CBY3: variants seen among roughly 807,000 people sequenced by gnomAD.
CBY3 encodes the protein sperm annulus positioning complex subunit Chibby3.
A neutral mutation model predicts 3.0 loss-of-function variants in CBY3; 7 were observed. The observed-to-expected ratio is 2.32, with a 90% CI of 1.32 to 4.35. The LOEUF is 4.35. CBY3 is among the 30% of genes most tolerant of loss of function. The pLI, the probability that CBY3 is intolerant of heterozygous loss-of-function variation, is 0.00. For synonymous variants in CBY3, 170 were observed against 154.5 expected (o/e 1.10, Z -0.74); for missense variants, 400 against 336.4 (o/e 1.19, Z -1.48).
In CBY3 at chr5:179,680,505, C is replaced by T. The variant is rs561517096; in HGVS notation, c.46+368G>A. 2.6e-5 allele frequency among the ~76,000 whole-genome samples: 4 copies of T among 152,240 alleles called. No individual in the cohort carries two copies. The East Asian group carries it at 7.7e-4, about 29-fold the overall frequency. On this transcript the variant is annotated intron_variant, in intron 1 of 1. Coordinates refer to ENST00000376974, the MANE Select transcript of CBY3 (RefSeq NM_001164444.2). Reference sequence around the variant, plus strand: ...ACAGATGCGTGTATAGACCACAGTCCAGTGTGTTCACTGACATCCTGGGGT... The same window carrying T: ...ACAGATGCGTGTATAGACCACAGTCTAGTGTGTTCACTGACATCCTGGGGT...
chr5:179,680,861 G>T lies in CBY3; in HGVS notation c.46+12C>A, dbSNP rs1163215885. 6.5e-7 allele frequency: 1 copy of T among 1,534,782 alleles called. No individual in the cohort carries two copies. The highest frequency in any genetic ancestry group is 8.7e-7 in the Non-Finnish European group (1 of 1,145,034). The stretch of plus-strand genomic sequence containing the variant: ...CTCACATATAGGTGGACAGAGGCTG[G>T]ATGGTACATACCATCCCCAAGATCT... On this transcript the variant is annotated intron_variant, in intron 1 of 1. Transcript: ENST00000376974.
At chr5:179,680,728 G>A in intron 1 of CBY3, 145 bp downstream of exon 1, 1 of 594,556 alleles carries the variant, frequency 1.7e-6, no homozygotes, top group Non-Finnish European at 3.0e-6. Flanking sequence ...GAAAAAGGGA[G>A]CTATGTGTTG....
Position 179,678,911 on chromosome 5 carries a change from A to G in CBY3, c.401T>C (p.Phe134Ser). Residue 134 changes from phenylalanine to serine, a missense_variant, in exon 2 of 2, where the codon TTC becomes TCC. Phe to Ser is a radical substitution (Grantham distance 155). Transcript: ENST00000376974. ...CMRLSNQAFVFRGGRWTTESQ... is the reference protein window; with the variant it reads ...CMRLSNQAFVSRGGRWTTESQ... ...CTCAGTGGTCCACCGCCCGCCGCGG[A>G]ACACGAAGGCCTGGTTGCTGAGGCG... 1.3e-6 allele frequency: 2 copies of G among 1,535,050 alleles called. No homozygotes were observed. The highest frequency in any genetic ancestry group is 1.7e-6 in the Non-Finnish European group (2 of 1,145,666).
chr5:179,678,689 A>G lies in CBY3; in HGVS notation c.623T>C (p.Val208Ala), dbSNP rs1411168206. ...GGCGCGCGCCGCAGCCGTCGGGATC[A>G]CCTCGGGGTTGCGCTGCTTCTCCAG... The part of the protein sequence containing the change: ...HLLEKQRNPE[V>A]IPTAAARAGQ... The change falls in exon 2 of 2, where the codon GTG (valine) becomes GCG (alanine). Residue 208 changes from valine to alanine, a missense_variant. Val to Ala is a moderately conservative substitution (Grantham distance 64). Transcript: ENST00000376974. The G allele has an allele frequency of 4.6e-6, 7 of 1,536,072 alleles. No individual in the cohort carries two copies. Among genetic ancestry groups the G allele is most frequent in the Middle Eastern group, 1.7e-4 (1 of 6,006 alleles).
Position 179,678,650 on chromosome 5 carries a change from A to G in CBY3, c.662T>C (p.Met221Thr), listed in dbSNP as rs1229573678. The change falls in exon 2 of 2, where the codon ATG (methionine) becomes ACG (threonine). Residue 221 changes from methionine (M) to threonine (T), a missense_variant. Coordinates refer to ENST00000376974, the MANE Select transcript of CBY3 (RefSeq NM_001164444.2). Reference sequence around the variant, plus strand: ...CGCGCTGGCGCCTGCGCGCTTGCGCATCTTCCTCTGCCCGGCGCGCGCCGC... The same window carrying G: ...CGCGCTGGCGCCTGCGCGCTTGCGCGTCTTCCTCTGCCCGGCGCGCGCCGC... ...TAAARAGQRKMRKRAGASAGV... is the reference protein window; with the variant it reads ...TAAARAGQRKTRKRAGASAGV... 1 of 1,534,310 alleles carries G rather than the reference A, an allele frequency of 6.5e-7. No individual in the cohort carries two copies. The highest frequency in any genetic ancestry group is 8.7e-7 in the Non-Finnish European group (1 of 1,145,134).
At position 179,679,221 on chromosome 5, in the gene CBY3, G is replaced by C. The variant is rs1323452715; in HGVS notation, c.91C>G (p.Pro31Ala). The change falls in exon 2 of 2, where the codon CCG (proline) becomes GCG (alanine). Residue 31 changes from proline (P) to alanine (A), a missense_variant. Pro to Ala is a conservative substitution (Grantham distance 27, BLOSUM62 -1). Transcript: ENST00000376974. Reference protein sequence around the residue: ...SPSSFWTSGLPRQERSTSRQR... With the variant: ...SPSSFWTSGLARQERSTSRQR... ...CGACTCGTGCTGCGCTCTTGTCTCGGGAGCCCGGATGTCCAGAATGATGAA... is the reference window on the plus strand; with the variant it reads ...CGACTCGTGCTGCGCTCTTGTCTCGCGAGCCCGGATGTCCAGAATGATGAA... 6.5e-7 allele frequency: 1 copy of C among 1,533,732 alleles called. No individual in the cohort carries two copies. Among genetic ancestry groups the C allele is most frequent in the East Asian group, 2.4e-5 (1 of 40,904 alleles).
At position 179,680,912 on chromosome 5, in the gene CBY3, C is replaced by G; in HGVS notation, c.7G>C (p.Ala3Pro). The part of the protein sequence containing the change: MW[A>P]SRDHLPEPDL... ...GGTTCAGGGAGATGGTCTCTGGAAGCCCACATCCAGGCCCACCCTTGAGAT... is the reference window on the plus strand; with the variant it reads ...GGTTCAGGGAGATGGTCTCTGGAAGGCCACATCCAGGCCCACCCTTGAGAT... The change falls in exon 1 of 2, where the codon GCT becomes CCT. Residue 3 changes from alanine to proline, a missense_variant. Physicochemically the swap from Ala to Pro is conservative, Grantham distance 27. Coordinates refer to ENST00000376974, the MANE Select transcript of CBY3 (RefSeq NM_001164444.2). 6.5e-7 allele frequency: 1 copy of G among 1,536,602 alleles called. No individual in the cohort carries two copies.
In CBY3 at chr5:179,678,673, C is replaced by A; in HGVS notation, c.639G>T (p.Ala213=). Residue 213 remains alanine, a synonymous_variant, in exon 2 of 2, where the codon GCG becomes GCT. Transcript: ENST00000376974. ...GCATCTTCCTCTGCCCGGCGCGCGC[C>A]GCAGCCGTCGGGATCACCTCGGGGT... ...QRNPEVIPTA[A]ARAGQRKMRK... 6.5e-7 allele frequency: 1 copy of A among 1,535,736 alleles called. No homozygotes were observed. Among genetic ancestry groups the A allele is most frequent in the Non-Finnish European group, 8.7e-7 (1 of 1,146,008 alleles).
chr5:179,679,281 C>A lies in CBY3; in HGVS notation c.47-16G>T, dbSNP rs1775989914. 3 of 1,510,090 alleles carry A rather than the reference C, an allele frequency of 2.0e-6. No homozygotes were observed. The highest frequency in any genetic ancestry group is 2.6e-6 in the Non-Finnish European group (3 of 1,133,280). The allele number at this position is 1,510,090 out of a possible 1,614,324, so 93.5% of individuals were successfully genotyped here. A position where few individuals can be genotyped will look rare whatever the true frequency, so the allele number is the denominator to read the frequency against. Reference sequence around the variant, plus strand: ...GGGGGCGCTGCTGGGAGACAAGAGTCCGGGTGAGCAGCGTGCTTGGTACAG... The same window carrying A: ...GGGGGCGCTGCTGGGAGACAAGAGTACGGGTGAGCAGCGTGCTTGGTACAG... On this transcript the variant is annotated splice_polypyrimidine_tract_variant and intron_variant, in intron 1 of 1. Transcript: ENST00000376974.
intron 1 of CBY3, 125 bp downstream of exon 1, chr5:179,680,747 TC>T: frequency 1.5e-6 from 1 of 669,368 alleles, no homozygotes; most frequent in East Asian, 2.9e-5. Flanking sequence ...TGTTTCTAAT[TC>T]CTCTTCTGCC....
At chr5:179,679,357 C>G in intron 1 of CBY3, 92 bp from the exon 2 acceptor site, 1 of 1,105,404 alleles carries the variant, frequency 9.0e-7, no homozygotes, top group Non-Finnish European at 1.3e-6. Flanking sequence ...CCTGCAGCTA[C>G]GGCTGCGGCT....
chr5:179,679,270 G>A lies in CBY3; in HGVS notation c.47-5C>T. 2.6e-6 allele frequency: 4 copies of A among 1,518,548 alleles called. No homozygotes were observed. Among genetic ancestry groups the A allele is most frequent in the Non-Finnish European group, 3.5e-6 (4 of 1,137,770 alleles). The allele number at this position is 1,518,548 out of a possible 1,614,324, so 94.1% of individuals were successfully genotyped here. ...AAGGCGAGCCAGGGGGCGCTGCTGGGAGACAAGAGTCCGGGTGAGCAGCGT... is the reference window on the plus strand; with the variant it reads ...AAGGCGAGCCAGGGGGCGCTGCTGGAAGACAAGAGTCCGGGTGAGCAGCGT... On this transcript the variant is annotated splice_region_variant and splice_polypyrimidine_tract_variant and intron_variant, in intron 1 of 1. Transcript: ENST00000376974.
chr5:179,678,662 C>T lies in CBY3; in HGVS notation c.650G>A (p.Gly217Glu). Residue 217 changes from glycine to glutamate, a missense_variant, in exon 2 of 2, where the codon GGG becomes GAG. Transcript: ENST00000376974. ...EVIPTAAARA[G>E]QRKMRKRAGA... Reference sequence around the variant, plus strand: ...TGCGCGCTTGCGCATCTTCCTCTGCCCGGCGCGCGCCGCAGCCGTCGGGAT... The same window carrying T: ...TGCGCGCTTGCGCATCTTCCTCTGCTCGGCGCGCGCCGCAGCCGTCGGGAT... 1 of 1,535,504 alleles carries T rather than the reference C, an allele frequency of 6.5e-7. No homozygotes were observed.
chr5:179,679,209 G>C lies in CBY3; in HGVS notation c.103C>G (p.Arg35Gly). Residue 35 changes from arginine (R) to glycine (G), a missense_variant, in exon 2 of 2, where the codon CGC (arginine) becomes GGC (glycine). By Grantham distance (125) the Arg-to-Gly change is moderately radical (BLOSUM62 -2). Coordinates refer to ENST00000376974, the MANE Select transcript of CBY3 (RefSeq NM_001164444.2). ...FWTSGLPRQE[R>G]STSRQRSRGS... ...CGGGAGCGCTGGCGACTCGTGCTGC[G>C]CTCTTGTCTCGGGAGCCCGGATGTC... 6.5e-7 allele frequency: 1 copy of C among 1,534,320 alleles called. No individual in the cohort carries two copies. Among genetic ancestry groups the C allele is most frequent in the Non-Finnish European group, 8.7e-7 (1 of 1,146,648 alleles).
rs1320731266 is a variant in CBY3 at position 179,679,150 on chromosome 5, C to A, written c.162G>T (p.Lys54Asn). ...GSPSSTCVPY[K>N]VHALATFECS... ...ACTCGAAGGTTGCCAGGGCGTGGAC[C>A]TTGTAGGGCACGCAGGTGCTCGAAG... The change falls in exon 2 of 2, where the codon AAG (lysine) becomes AAT (asparagine). Residue 54 changes from lysine to asparagine, a missense_variant. Coordinates refer to ENST00000376974, the MANE Select transcript of CBY3 (RefSeq NM_001164444.2). 4 of 1,535,564 alleles carry A rather than the reference C, an allele frequency of 2.6e-6. No homozygotes were observed. In the East Asian group the frequency reaches 9.8e-5, roughly 38 times the overall value.
chr5:179,679,922 G>C (rs1776014321), intron 1 of CBY3, among the ~76,000 whole-genome samples: 1 of 145,280 alleles, frequency 6.9e-6, no homozygotes. Context: ...GCCTCCCAAA[G>C]TGCCCGGATT....
chr5:179,679,850 G>A (rs777658647), intron 1 of CBY3, among the ~76,000 whole-genome samples: 3 of 151,770 alleles, frequency 2.0e-5, no homozygotes, highest in Non-Finnish European at 4.4e-5. Flanking sequence ...GTGAAGACGG[G>A]GTTTCACCAT....
At position 179,678,679 on chromosome 5, in the gene CBY3, C is replaced by G. The variant is rs369839116; in HGVS notation, c.633G>C (p.Thr211=). The change falls in exon 2 of 2, where the codon ACG becomes ACC. Residue 211 remains threonine (T), a synonymous_variant. Coordinates refer to ENST00000376974, the MANE Select transcript of CBY3 (RefSeq NM_001164444.2). ...EKQRNPEVIP[T]AAARAGQRKM... ...TCCTCTGCCCGGCGCGCGCCGCAGC[C>G]GTCGGGATCACCTCGGGGTTGCGCT... The G allele has an allele frequency of 5.9e-6, 9 of 1,535,880 alleles. No individual in the cohort carries two copies. Among genetic ancestry groups the G allele is most frequent in the Non-Finnish European group, 7.9e-6 (9 of 1,146,142 alleles).
intron 1 of CBY3, among the ~76,000 whole-genome samples, 163 bp downstream of exon 1, chr5:179,680,710 T>C (rs1049755038): frequency 3.9e-5 from 6 of 152,152 alleles, no homozygotes; most frequent in African/African-American, 1.4e-4. Context: ...GTGCTGATTC[T>C]ATTATGTGAA....
Sources: gnomAD v4.1 joint callset for allele counts (sites outside exome capture counted in the v4.1 genomes callset) on GRCh38, gnomAD v4.1.1 for gene constraint, MANE v1.5 for transcripts, NCBI Gene and HGNC (gene_info 2026-07-23, HGNC 2026-07-21) for gene names.